The following KMT2A variants were observed in gnomAD, a reference collection of about 807,000 sequenced individuals.
KMT2A encodes histone-lysine N-methyltransferase 2A.
A neutral mutation model predicts 345.3 loss-of-function variants in KMT2A; 16 were observed. The observed-to-expected ratio is 0.05, with a 90% CI of 0.03 to 0.07. KMT2A has a LOEUF of 0.07. Ranked by LOEUF, KMT2A falls within the 10% of genes least tolerant of loss-of-function variation. The probability of loss-of-function intolerance (pLI) is 1.00; values close to 1 mark genes in which losing one functional copy is unlikely to be tolerated. For missense variants in KMT2A, 3,272 were observed against 4,841.6 expected (o/e 0.68, Z 9.62); for synonymous variants, 1,599 against 1,778.6 (o/e 0.90, Z 2.54).
chr11:118,460,413 G>T (rs557397215), intron 1 of KMT2A, among the ~76,000 whole-genome samples: 1 of 151,330 alleles, frequency 6.6e-6, no homozygotes, highest in South Asian at 2.1e-4. Flanking sequence ...TCAGCCTCCC[G>T]AGTAGCTGGA....
rs1555047923 is a variant in KMT2A at position 118,505,632 on chromosome 11, C to T, written c.9740C>T (p.Ala3247Val). 6.2e-7 allele frequency: 1 copy of T among 1,614,106 alleles called. No homozygotes were observed. Among genetic ancestry groups the T allele is most frequent in the Non-Finnish European group, 8.5e-7 (1 of 1,179,988 alleles). The change falls in exon 27 of 36, where the codon GCC (alanine) becomes GTC (valine). Residue 3247 changes from alanine (A) to valine (V), a missense_variant. By Grantham distance (64) the Ala-to-Val change is moderately conservative. Coordinates refer to ENST00000534358, the MANE Select transcript of KMT2A (RefSeq NM_001197104.2). This position sits in a 1 kb window ranked among gnomAD's most constrained non-coding sequence, Gnocchi z 4.6. Reference protein sequence around the residue: ...LAPSSTPSNIAPSDVVSNMTL... With the variant: ...LAPSSTPSNIVPSDVVSNMTL... ...CCCTCTAGTACCCCTTCAAACATTG[C>T]CCCTTCTGATGTGGTTTCTAATATG...
In KMT2A at chr11:118,504,169, T is replaced by A. The variant is rs372354558; in HGVS notation, c.8277T>A (p.Asp2759Glu). Residue 2759 changes from aspartate to glutamate, a missense_variant, in exon 27 of 36, where the codon GAT (aspartate) becomes GAA (glutamate). Physicochemically the swap from Asp to Glu is conservative, Grantham distance 45. This residue lies in a region of KMT2A where 100 missense variants were observed against 101.3 expected (regional missense o/e 0.99). Coordinates refer to ENST00000534358, the MANE Select transcript of KMT2A (RefSeq NM_001197104.2). The surrounding 1 kb of genome is among the most constrained non-coding windows in gnomAD (Gnocchi z 6.4). ...KENGTENLKI[D>E]RPEDAGEKEH... Reference sequence around the variant, plus strand: ...ATGGAACAGAGAACTTAAAGATTGATAGACCTGAAGATGCTGGGGAGAAAG... The same window carrying A: ...ATGGAACAGAGAACTTAAAGATTGAAAGACCTGAAGATGCTGGGGAGAAAG... 6.2e-7 allele frequency: 1 copy of A among 1,614,194 alleles called. No individual in the cohort carries two copies. Among genetic ancestry groups the A allele is most frequent in the Non-Finnish European group, 8.5e-7 (1 of 1,180,020 alleles).
chr11:118,485,813 T>G (rs1233797338), intron 10 of KMT2A, among the ~76,000 whole-genome samples: 1 of 152,224 alleles, frequency 6.6e-6, no homozygotes, highest in African/African-American at 2.4e-5. Context: ...CTGGGCACGG[T>G]GGCTCACGCC....
intron 31 of KMT2A, 82 bp from the exon 32 acceptor site, chr11:118,519,536 T>C (rs1329044058): frequency 1.5e-5 from 19 of 1,289,256 alleles, no homozygotes; most frequent in Non-Finnish European, 2.1e-5. Flanking sequence ...GCAGAGTGAC[T>C]ATAGCATAGG....
chr11:118,475,647 C>T (rs928407072), intron 3 of KMT2A, among the ~76,000 whole-genome samples: 7 of 151,974 alleles, frequency 4.6e-5, no homozygotes, highest in African/African-American at 1.5e-4. Context: ...CGCTTGAACC[C>T]GGGAGGCGGA....
chr11:118,502,369 G>A lies in KMT2A; in HGVS notation c.6506-29G>A. ...CTACACATTTGTTCTATCTACAATA[G>A]CATTTATTACTTTTTCTCTCTTGTT... On this transcript the variant is annotated intron_variant, in intron 26 of 35. Coordinates refer to ENST00000534358, the MANE Select transcript of KMT2A (RefSeq NM_001197104.2). The surrounding 1 kb of genome is among the most constrained non-coding windows in gnomAD (Gnocchi z 4.9). 6.6e-7 allele frequency: 1 copy of A among 1,505,732 alleles called. No homozygotes were observed. The highest frequency in any genetic ancestry group is 9.0e-7 in the Non-Finnish European group (1 of 1,113,500). 93.3% of individuals were successfully genotyped at this position (1,505,732 alleles called of 1,614,324 possible).
At chr11:118,464,539 C>CA (rs35564663) in intron 1 of KMT2A, among the ~76,000 whole-genome samples, 1,927 of 64,710 alleles carry the variant, frequency 0.03, 23 homozygotes, top group Middle Eastern at 0.15. Context: ...AACTCTGTCT[C>CA]AAAAAAAAAA....
chr11:118,485,507 T>TA lies in KMT2A; in HGVS notation c.4332+539dup, dbSNP rs201036125. ...CCAAAAACTGGAAATTAAAGCATGA[T>TA]AAAAAAAGAATCCTGAATAAATGGG... is the stretch of plus-strand genomic sequence containing the variant. On this transcript the variant is annotated intron_variant, in intron 10 of 35. Transcript: ENST00000534358. Among the ~76,000 whole-genome samples, 1,203 of 152,140 alleles carry TA rather than the reference T, an allele frequency of 7.9e-3. 19 individuals carry two copies. The highest frequency in any genetic ancestry group is 0.027 in the African/African-American group (1,110 of 41,510).
intron 1 of KMT2A, among the ~76,000 whole-genome samples, chr11:118,462,393 G>C (rs1555032959): frequency 6.6e-6 from 1 of 152,120 alleles, no homozygotes; most frequent in Admixed American, 6.6e-5. Context: ...GAAGACTGGA[G>C]CTCTTTAACA....
In KMT2A at chr11:118,484,815, G is replaced by T; in HGVS notation, c.4219-47G>T. 1 of 1,222,356 alleles carries T rather than the reference G, an allele frequency of 8.2e-7. No individual in the cohort carries two copies. Among genetic ancestry groups the T allele is most frequent in the African/African-American group, 1.5e-5 (1 of 67,420 alleles). The allele number at this position is 1,222,356 out of a possible 1,614,324, so 75.7% of individuals were successfully genotyped here. On this transcript the variant is annotated intron_variant, in intron 9 of 35. Coordinates refer to ENST00000534358, the MANE Select transcript of KMT2A (RefSeq NM_001197104.2). The surrounding 1 kb of genome is among the most constrained non-coding windows in gnomAD (Gnocchi z 4.1). ...TTTTCATCCTTATTTTCCATCCAAAGTTGTGTAATTGTAAAACTTTCCTAA... is the reference window on the plus strand; with the variant it reads ...TTTTCATCCTTATTTTCCATCCAAATTTGTGTAATTGTAAAACTTTCCTAA...
At position 118,510,930 on chromosome 11, in the gene KMT2A, G is replaced by C. The variant is rs1950674871; in HGVS notation, c.11071+812G>C. Among the ~76,000 whole-genome samples, 1 of 152,216 alleles carries C rather than the reference G, an allele frequency of 6.6e-6. No individual in the cohort carries two copies. On this transcript the variant is annotated intron_variant, in intron 30 of 35. Coordinates refer to ENST00000534358, the MANE Select transcript of KMT2A (RefSeq NM_001197104.2). This position sits in a 1 kb window ranked among gnomAD's most constrained non-coding sequence, Gnocchi z 4.1. ...TCTCTAGGAAGAAGAAGGGAGGTAAGCAAAGTTAGAAAGGCAGGACTGCAT... is the reference window on the plus strand; with the variant it reads ...TCTCTAGGAAGAAGAAGGGAGGTAACCAAAGTTAGAAAGGCAGGACTGCAT...
chr11:118,497,298 C>T lies in KMT2A; in HGVS notation c.5665-638C>T, dbSNP rs561786764. Among the ~76,000 whole-genome samples the T allele has an allele frequency of 1.1e-4, 17 of 152,242 alleles. No homozygotes were observed. In the East Asian group the frequency reaches 2.1e-3, roughly 19 times the overall value. On this transcript the variant is annotated intron_variant, in intron 20 of 35. Transcript: ENST00000534358. This position sits in a 1 kb window ranked among gnomAD's most constrained non-coding sequence, Gnocchi z 4.8. Reference sequence around the variant, plus strand: ...GATTACAGGCGTGAGCCACCGTGCCCGGCCAAAAGCTTTTAAATACCATCT... The same window carrying T: ...GATTACAGGCGTGAGCCACCGTGCCTGGCCAAAAGCTTTTAAATACCATCT...
rs1950315113 is a variant in KMT2A, at chr11:118,490,969, G to A, written c.4697-227G>A. Among the ~76,000 whole-genome samples the A allele has an allele frequency of 6.6e-6, 1 of 152,084 alleles. No individual in the cohort carries two copies. Among genetic ancestry groups the A allele is most frequent in the Non-Finnish European group, 1.5e-5 (1 of 68,038 alleles). On this transcript the variant is annotated intron_variant, in intron 13 of 35. Coordinates refer to ENST00000534358, the MANE Select transcript of KMT2A (RefSeq NM_001197104.2). The surrounding 1 kb of genome is among the most constrained non-coding windows in gnomAD (Gnocchi z 4.2). The stretch of plus-strand genomic sequence containing the variant: ...TCATGACCTTTATAAATGAAAACTA[G>A]TAAACTAAAGAAAACTAGTAGCATA...
At chr11:118,463,741 A>G (rs1288013158) in intron 1 of KMT2A, among the ~76,000 whole-genome samples, 1 of 152,202 alleles carries the variant, frequency 6.6e-6, no homozygotes, top group Non-Finnish European at 1.5e-5. Context: ...AATAAGAACT[A>G]CTATGTGAGG....
At chr11:118,512,289 G>T in intron 31 of KMT2A, 1 of 487,690 alleles carries the variant, frequency 2.1e-6, no homozygotes, top group Non-Finnish European at 3.6e-6. Context: ...CTATTCATTA[G>T]CAGTCATTCC....
At chr11:118,516,409 A>G (rs532288058) in intron 31 of KMT2A, among the ~76,000 whole-genome samples, 42 of 152,304 alleles carry the variant, frequency 2.8e-4, no homozygotes, top group Non-Finnish European at 5.4e-4. Context: ...GTGTGCCAAG[A>G]TCATACCTGT....
Position 118,496,359 on chromosome 11 carries a change from A to G in KMT2A, c.5656A>G (p.Ser1886Gly), listed in dbSNP as rs782142241. ...CALCLTYGDD[S>G]ANDAGRLLYI... ...GTTATGTTTGACTTATGGTGATGAC[A>G]GTGCTAATGTAAGTACTTTGCAACA... is the stretch of plus-strand genomic sequence containing the variant. Residue 1886 changes from serine to glycine, a missense_variant, in exon 20 of 36, where the codon AGT (serine) becomes GGT (glycine). Transcript: ENST00000534358. The surrounding 1 kb of genome is among the most constrained non-coding windows in gnomAD (Gnocchi z 4.7). The G allele has an allele frequency of 1.2e-6, 2 of 1,611,616 alleles. No homozygotes were observed. The highest frequency in any genetic ancestry group is 1.1e-5 in the South Asian group (1 of 91,048).
In KMT2A at chr11:118,521,002, A is replaced by G. The variant is rs1225918344; in HGVS notation, c.11513+117A>G. The G allele has an allele frequency of 2.6e-6, 2 of 775,802 alleles. No homozygotes were observed. The highest frequency in any genetic ancestry group is 3.5e-5 in the African/African-American group (2 of 57,478). 48.1% of individuals were successfully genotyped at this position (775,802 alleles called of 1,614,324 possible). A position where few individuals can be genotyped will look rare whatever the true frequency, so the allele number is the denominator to read the frequency against. Reference sequence around the variant, plus strand: ...AGTAAGTGAGGATTTTACGGACACTATTTATTGACCCTCATATCCTGGGAT... The same window carrying G: ...AGTAAGTGAGGATTTTACGGACACTGTTTATTGACCCTCATATCCTGGGAT... On this transcript the variant is annotated intron_variant, in intron 34 of 35. Coordinates refer to ENST00000534358, the MANE Select transcript of KMT2A (RefSeq NM_001197104.2). This position sits in a 1 kb window ranked among gnomAD's most constrained non-coding sequence, Gnocchi z 5.3.
chr11:118,498,151 C>A lies in KMT2A; in HGVS notation c.5802+78C>A. ...TATTCTTCCTGTGGGTGAATATGGC[C>A]TCCCTGATATTTTTCACAGTGCCAT... On this transcript the variant is annotated intron_variant, in intron 21 of 35. Transcript: ENST00000534358. The surrounding 1 kb of genome is among the most constrained non-coding windows in gnomAD (Gnocchi z 4.4). The A allele has an allele frequency of 6.7e-7, 1 of 1,488,802 alleles. No homozygotes were observed. The highest frequency in any genetic ancestry group is 9.3e-7 in the Non-Finnish European group (1 of 1,077,702). The allele number at this position is 1,488,802 out of a possible 1,614,324, so 92.2% of individuals were successfully genotyped here.
Sources: allele counts gnomAD v4.1 joint callset (sites outside exome capture counted in the v4.1 genomes callset), GRCh38; gene constraint gnomAD v4.1.1; regional missense constraint gnomAD v4.1.1; non-coding constraint Gnocchi (gnomAD v3.1); transcripts MANE v1.5; gene names NCBI Gene and HGNC (gene_info 2026-07-23, HGNC 2026-07-21).